The following SPATC1L variants were observed in gnomAD, a reference collection of about 807,000 sequenced individuals.
SPATC1L encodes the protein spermatogenesis and centriole associated 1 like.
SPATC1L carries 20 observed loss-of-function variants against 21.2 expected under a neutral mutation model. That is an observed-to-expected ratio of 0.94 (90% confidence interval 0.66 to 1.37). The LOEUF is 1.37. Among genes scored for constraint, SPATC1L ranks in the 40% most tolerant of loss-of-function variants. The probability of loss-of-function intolerance (pLI) is 0.00; values close to 1 mark genes in which losing one functional copy is unlikely to be tolerated. For missense variants in SPATC1L, 499 were observed against 478.7 expected (o/e 1.04, Z -0.40); for synonymous variants, 290 against 234.5 (o/e 1.24, Z -2.16).
intron 3 of SPATC1L, among the ~76,000 whole-genome samples, chr21:46,163,825 C>T (rs1051864590): frequency 1.1e-4 from 16 of 152,160 alleles, no homozygotes; most frequent in African/African-American, 3.6e-4. Flanking sequence ...TGGTTCCTTA[C>T]ACTTCTATAT....
chr21:46,170,650 G>A (rs1395226149), intron 2 of SPATC1L, among the ~76,000 whole-genome samples: 3 of 131,568 alleles, frequency 2.3e-5, no homozygotes, highest in Non-Finnish European at 3.2e-5. Context: ...CCTGCTCTGT[G>A]AACATCCTCT....
At chr21:46,167,061 T>TTA (rs1440848091) in intron 3 of SPATC1L, among the ~76,000 whole-genome samples, 1 of 152,154 alleles carries the variant, frequency 6.6e-6, no homozygotes, top group Non-Finnish European at 1.5e-5. Context: ...AAAATTGAAA[T>TTA]TATATCAAGT....
chr21:46,161,825 G>A, intron 4 of SPATC1L, 91 bp downstream of exon 4: 1 of 1,531,974 alleles, frequency 6.5e-7, no homozygotes, highest in Non-Finnish European at 8.8e-7. Context: ...CCTGCGGACA[G>A]TGCCCGGCCA....
chr21:46,168,691 G>A, intron 2 of SPATC1L, 33 bp from the exon 3 acceptor site: 2 of 1,315,344 alleles, frequency 1.5e-6, no homozygotes, highest in Non-Finnish European at 2.0e-6. Context: ...GAGAAATCAG[G>A]CTGATGCTCC....
chr21:46,174,575 C>T (rs1310678052), intron 2 of SPATC1L, among the ~76,000 whole-genome samples: 1 of 152,114 alleles, frequency 6.6e-6, no homozygotes, highest in Non-Finnish European at 1.5e-5. Context: ...AAGAGCATTA[C>T]ACAATGGTGA....
At chr21:46,182,143 C>T (rs2079679284) in intron 2 of SPATC1L, among the ~76,000 whole-genome samples, 1 of 152,154 alleles carries the variant, frequency 6.6e-6, no homozygotes, top group African/African-American at 2.4e-5. Flanking sequence ...TGGGACCTTC[C>T]CACCATGGGG....
At chr21:46,177,599 AAAC>A (rs1183094279) in intron 2 of SPATC1L, among the ~76,000 whole-genome samples, 12 of 152,238 alleles carry the variant, frequency 7.9e-5, no homozygotes, top group Non-Finnish European at 1.8e-4. Flanking sequence ...ACAAGTCAAA[AAAC>A]AACAGATGCT....
chr21:46,161,384 A>C lies in SPATC1L; in HGVS notation c.1018T>G (p.Trp340Gly). 2.0e-6 allele frequency: 3 copies of C among 1,511,852 alleles called. No individual in the cohort carries two copies. Among genetic ancestry groups the C allele is most frequent in the Non-Finnish European group, 2.6e-6 (3 of 1,133,764 alleles). The allele number at this position is 1,511,852 out of a possible 1,614,324, so 93.7% of individuals were successfully genotyped here. ...GGCGGCGGGCGCGGGGCGGCTCACCAGGCGAAGAGGGGCTTGCCGTCCTCC... is the reference window on the plus strand; with the variant it reads ...GGCGGCGGGCGCGGGGCGGCTCACCCGGCGAAGAGGGGCTTGCCGTCCTCC... ...SKEDGKPLFAW is the reference protein window; with the variant it reads ...SKEDGKPLFAG The change falls in exon 5 of 5, where the codon TGG becomes GGG. Residue 340 changes from tryptophan to glycine, a missense_variant. By Grantham distance (184) the Trp-to-Gly change is radical. Coordinates refer to ENST00000291672, the MANE Select transcript of SPATC1L (RefSeq NM_001142854.2).
At chr21:46,165,600 T>C (rs967409336) in intron 3 of SPATC1L, among the ~76,000 whole-genome samples, 4 of 148,530 alleles carry the variant, frequency 2.7e-5, no homozygotes, top group Admixed American at 2.7e-4. Context: ...GCCTCTCCTA[T>C]AGAAACCTTC....
intron 2 of SPATC1L, among the ~76,000 whole-genome samples, chr21:46,182,089 C>A (rs1257376427): frequency 6.6e-6 from 1 of 152,204 alleles, no homozygotes; most frequent in Non-Finnish European, 1.5e-5. Flanking sequence ...GCCCACTTGT[C>A]CCTACCTGCT....
chr21:46,178,051 T>C (rs11910841), intron 2 of SPATC1L, among the ~76,000 whole-genome samples: 2,855 of 152,118 alleles, frequency 0.019, 96 homozygotes, highest in African/African-American at 0.065. Flanking sequence ...CTGACCAACA[T>C]GGTGAAAACC....
At chr21:46,166,356 A>C (rs1382906846) in intron 3 of SPATC1L, among the ~76,000 whole-genome samples, 1 of 150,074 alleles carries the variant, frequency 6.7e-6, no homozygotes, top group East Asian at 1.9e-4. Context: ...TCAAAGTGAG[A>C]CCCTGTCTCC....
Position 46,161,471 on chromosome 21 carries a change from C to T in SPATC1L, c.931G>A (p.Val311Met). Residue 311 changes from valine to methionine, a missense_variant, in exon 5 of 5, where the codon GTG becomes ATG. Transcript: ENST00000291672. ...GAGTCGCCCAGGAACTTGGGGGGCA[C>T]CACGTCGATGACCAGCTTGCGCAGC... ...AALRKLVIDV[V>M]PPKFLGDSLL... is the part of the protein sequence containing the mutation. 6.3e-7 allele frequency: 1 copy of T among 1,597,894 alleles called. No homozygotes were observed. Among genetic ancestry groups the T allele is most frequent in the South Asian group, 1.1e-5 (1 of 90,432 alleles).
At chr21:46,165,773 G>A (rs113030590) in intron 3 of SPATC1L, among the ~76,000 whole-genome samples, 2,364 of 152,172 alleles carry the variant, frequency 0.016, 31 homozygotes, top group Non-Finnish European at 0.023. Context: ...TCTCAACTTT[G>A]TTGGTGTGTT....
chr21:46,171,352 G>C (rs2079588523), intron 2 of SPATC1L, among the ~76,000 whole-genome samples: 1 of 151,236 alleles, frequency 6.6e-6, no homozygotes, highest in African/African-American at 2.4e-5. Context: ...ACCTTAAAAT[G>C]TGCCTACTGG....
Position 46,183,118 on chromosome 21 carries a change from G to C in SPATC1L, c.-302C>G, listed in dbSNP as rs1378601058. ...ACATTAGGCAGCTACGGGATGTAGC[G>C]ACTGTACTCCAAGAGGGGCGTCCAA... On this transcript the variant is annotated 5_prime_UTR_variant, in exon 2 of 5. Transcript: ENST00000291672. 4.8e-6 allele frequency: 2 copies of C among 412,436 alleles called. No homozygotes were observed. The highest frequency in any genetic ancestry group is 8.6e-6 in the Non-Finnish European group (2 of 231,540). 25.5% of individuals were successfully genotyped at this position (412,436 alleles called of 1,614,324 possible).
At chr21:46,178,339 A>ACCAAATG (rs1401896982) in intron 2 of SPATC1L, among the ~76,000 whole-genome samples, 1 of 152,148 alleles carries the variant, frequency 6.6e-6, no homozygotes, top group Non-Finnish European at 1.5e-5. Flanking sequence ...GGAACAGAAA[A>ACCAAATG]CCAAATGCCA....
Position 46,164,363 on chromosome 21 carries a change from T to C in SPATC1L, c.545-2296A>G, listed in dbSNP as rs117030074. The stretch of plus-strand genomic sequence containing the variant: ...AGTGATGTTTGTAGTTTTCAGTGTA[T>C]TTCTTTCCCAATCACTTTTCAAGAC... On this transcript the variant is annotated intron_variant, in intron 3 of 4. Transcript: ENST00000291672. Among the ~76,000 whole-genome samples, 36 of 152,320 alleles carry C rather than the reference T, an allele frequency of 2.4e-4. 1 individual carries two copies. The East Asian group carries it at 6.9e-3, about 29-fold the overall frequency.
chr21:46,161,726 TG>T (rs2079494723), intron 4 of SPATC1L, 21 bp from the exon 5 acceptor site: 1 of 1,492,854 alleles, frequency 6.7e-7, no homozygotes. Flanking sequence ...AGCGCATGGA[TG>T]GGGGTGGGGG....
Sources: allele counts gnomAD v4.1 joint callset (sites outside exome capture counted in the v4.1 genomes callset), GRCh38; gene constraint gnomAD v4.1.1; transcripts MANE v1.5; gene names NCBI Gene and HGNC (gene_info 2026-07-23, HGNC 2026-07-21).